SPAG16: variants seen among roughly 807,000 people sequenced by gnomAD.
SPAG16 encodes the protein sperm associated antigen 16.
Under a neutral mutation model 80.4 loss-of-function variants are expected in SPAG16, and 86 were observed. The ratio of observed to expected loss-of-function variants is 1.07; its 90% CI spans 0.90 to 1.28. The LOEUF (loss-of-function observed/expected upper bound fraction) is 1.28, where lower values mean the gene tolerates loss of function less well. Among genes scored for constraint, SPAG16 ranks in the 50% most tolerant of loss-of-function variants. The pLI, the probability that SPAG16 is intolerant of heterozygous loss-of-function variation, is 0.00. For missense variants in SPAG16, 870 were observed against 765.3 expected (o/e 1.14, Z -1.61); for synonymous variants, 294 against 265.9 (o/e 1.11, Z -1.03).
chr2:214,071,140 CT>C lies in SPAG16; in HGVS notation c.1528-37052del, dbSNP rs1412529445. Among the ~76,000 whole-genome samples the C allele has an allele frequency of 2.0e-5, 3 of 152,174 alleles. No homozygotes were observed. In the East Asian group the frequency reaches 5.8e-4, roughly 29 times the overall value. On this transcript the variant is annotated intron_variant, in intron 13 of 15. Transcript: ENST00000331683. ...ATGTGGTGCATATAACAAATGAAGA[CT>C]TTTGTGATAGATAACTCACAATTCC...
At chr2:214,024,478 C>A (rs1419978892) in intron 13 of SPAG16, among the ~76,000 whole-genome samples, 1 of 151,234 alleles carries the variant, frequency 6.6e-6, no homozygotes, top group Non-Finnish European at 1.5e-5. Context: ...TAAATGATAT[C>A]TAAAATGAAA....
chr2:213,460,446 T>G (rs1162002138), intron 9 of SPAG16, among the ~76,000 whole-genome samples: 1 of 152,212 alleles, frequency 6.6e-6, no homozygotes, highest in African/African-American at 2.4e-5. Flanking sequence ...GAAAATTACA[T>G]GGCTGTAAAT....
chr2:213,564,814 A>C (rs1001960908), intron 10 of SPAG16, among the ~76,000 whole-genome samples: 1 of 152,192 alleles, frequency 6.6e-6, no homozygotes, highest in Non-Finnish European at 1.5e-5. Context: ...TACATGTTGT[A>C]GATTAGGAAA....
intron 11 of SPAG16, among the ~76,000 whole-genome samples, chr2:213,887,975 GA>G (rs1365863089): frequency 1.3e-5 from 2 of 151,740 alleles, no homozygotes; most frequent in Admixed American, 1.3e-4. Flanking sequence ...TAGAAAGATA[GA>G]GTTATTGTTT....
chr2:213,351,490 G>T (rs1162118623), intron 7 of SPAG16, among the ~76,000 whole-genome samples: 1 of 152,132 alleles, frequency 6.6e-6, no homozygotes, highest in Non-Finnish European at 1.5e-5. Context: ...GTAGGCTTAG[G>T]CCTAGGGTAG....
At chr2:213,876,318 AAAGAAG>A (rs201217270) in intron 11 of SPAG16, among the ~76,000 whole-genome samples, 7 of 136,138 alleles carry the variant, frequency 5.1e-5, no homozygotes, top group Admixed American at 1.5e-4. Flanking sequence ...AAAAAAAAAA[AAAGAAG>A]AAGAAAAGAA....
chr2:213,592,732 C>T (rs1243412733), intron 10 of SPAG16, among the ~76,000 whole-genome samples: 3 of 152,132 alleles, frequency 2.0e-5, no homozygotes, highest in Admixed American at 6.5e-5. Flanking sequence ...TTGAATGGTG[C>T]TAATGAAGTT....
chr2:214,278,972 G>C (rs1207113538), intron 15 of SPAG16, among the ~76,000 whole-genome samples: 1 of 152,092 alleles, frequency 6.6e-6, no homozygotes, highest in Non-Finnish European at 1.5e-5. Context: ...AAACACCACT[G>C]CAGATTTTTT....
At chr2:214,373,476 A>G (rs1699936049) in intron 15 of SPAG16, among the ~76,000 whole-genome samples, 1 of 152,186 alleles carries the variant, frequency 6.6e-6, no homozygotes, top group African/African-American at 2.4e-5. Flanking sequence ...GTAATAAATT[A>G]TTTATTAACG....
At chr2:213,997,262 C>T (rs1037197062) in intron 12 of SPAG16, among the ~76,000 whole-genome samples, 6 of 151,918 alleles carry the variant, frequency 3.9e-5, no homozygotes, top group Admixed American at 6.6e-5. Flanking sequence ...ATAGACATAC[C>T]AGGGGCTCAG....
intron 7 of SPAG16, among the ~76,000 whole-genome samples, chr2:213,353,939 G>T (rs1027285155): frequency 6.6e-6 from 1 of 151,998 alleles, no homozygotes; most frequent in South Asian, 2.1e-4. Context: ...TGTGCACAAC[G>T]TACAGGTTTG....
intron 6 of SPAG16, among the ~76,000 whole-genome samples, chr2:213,343,934 C>G (rs1344972769): frequency 6.6e-6 from 1 of 152,042 alleles, no homozygotes; most frequent in Non-Finnish European, 1.5e-5. Context: ...CTGGGCATAA[C>G]CTTCCCTATT....
intron 15 of SPAG16, among the ~76,000 whole-genome samples, chr2:214,362,001 G>A (rs1199849193): frequency 2.0e-5 from 3 of 151,804 alleles, no homozygotes; most frequent in Non-Finnish European, 4.4e-5. Flanking sequence ...CTTCTCTTCT[G>A]GAGAGAAGGA....
chr2:213,761,143 A>G (rs2068633746), intron 10 of SPAG16, among the ~76,000 whole-genome samples: 1 of 152,190 alleles, frequency 6.6e-6, no homozygotes, highest in South Asian at 2.1e-4. Flanking sequence ...AAGTTACAAA[A>G]CTTTGGAATT....
At chr2:214,235,988 A>G (rs995029121) in intron 15 of SPAG16, among the ~76,000 whole-genome samples, 23 of 152,016 alleles carry the variant, frequency 1.5e-4, no homozygotes, top group African/African-American at 3.9e-4. Flanking sequence ...GTGGGCATCA[A>G]TGGTTATTCT....
At chr2:213,660,793 A>G (rs1383431208) in intron 10 of SPAG16, among the ~76,000 whole-genome samples, 1 of 152,218 alleles carries the variant, frequency 6.6e-6, no homozygotes, top group Non-Finnish European at 1.5e-5. Flanking sequence ...GTAGCAGAAC[A>G]TGTTCCATAT....
rs200713982 is a variant in SPAG16 at position 214,073,610 on chromosome 2, T to TG, written c.1528-34585dup. ...TTGGAAGAACTCAATAGCATAAAGA[T>TG]GTCAATTCTTCTCAAATTGATCTAT... On this transcript the variant is annotated intron_variant, in intron 13 of 15. Transcript: ENST00000331683. Among the ~76,000 whole-genome samples the TG allele has an allele frequency of 9.4e-3, 1,428 of 152,290 alleles. 30 individuals carry two copies. Among genetic ancestry groups the TG allele is most frequent in the African/African-American group, 0.033 (1,355 of 41,562 alleles).
At chr2:214,361,110 G>A (rs945612158) in intron 15 of SPAG16, among the ~76,000 whole-genome samples, 1 of 151,808 alleles carries the variant, frequency 6.6e-6, no homozygotes, top group Non-Finnish European at 1.5e-5. Context: ...CAGCTTTTAG[G>A]TAGATAGGGA....
At chr2:213,870,502 C>T (rs530842724) in intron 11 of SPAG16, among the ~76,000 whole-genome samples, 4 of 152,274 alleles carry the variant, frequency 2.6e-5, no homozygotes, top group East Asian at 1.9e-4. Flanking sequence ...ACACAAGATG[C>T]GACTTTTAAA....
Sources: gnomAD v4.1 joint callset for allele counts (sites outside exome capture counted in the v4.1 genomes callset) on GRCh38, gnomAD v4.1.1 for gene constraint, MANE v1.5 for transcripts, NCBI Gene and HGNC (gene_info 2026-07-23, HGNC 2026-07-21) for gene names.